The following ERBIN variants were observed in gnomAD, a reference collection of about 807,000 sequenced individuals.
The protein encoded by ERBIN is densin-180-like protein.
Under a neutral mutation model 158.4 loss-of-function variants are expected in ERBIN, and 60 were observed. The ratio of observed to expected loss-of-function variants is 0.38; its 90% confidence interval spans 0.31 to 0.47. The LOEUF (loss-of-function observed/expected upper bound fraction) is 0.47. Among genes scored for constraint, ERBIN ranks in the 20% least tolerant of loss-of-function variants. The pLI is 0.99. For synonymous variants in ERBIN, 594 were observed against 557.2 expected (o/e 1.07, Z -0.93); for missense variants, 1,610 against 1,648.0 (o/e 0.98, Z 0.40).
At position 66,072,261 on chromosome 5, in the gene ERBIN, C is replaced by G. The variant is rs1761600106; in HGVS notation, c.3726C>G (p.His1242Gln). The change falls in exon 22 of 26, where the codon CAC becomes CAG. Residue 1242 changes from histidine (H) to glutamine (Q), a missense_variant. Around this residue, in one of 2 missense-constraint regions of ERBIN, gnomAD observed 1,014 missense variants for 936.1 expected, o/e 1.08. Transcript: ENST00000284037. ...ACTACTCATCAGCCACACTTAGTCA[C>G]AAAGATGTTCCTCCAGACAGCTTGA... ...QQNYSSATLS[H>Q]KDVPPDSLMK... 2 of 1,550,374 alleles carry G rather than the reference C, an allele frequency of 1.3e-6. No homozygotes were observed. The highest frequency in any genetic ancestry group is 1.7e-6 in the Non-Finnish European group (2 of 1,146,898).
intron 4 of ERBIN, 39 bp downstream of exon 4, chr5:65,994,903 A>C: frequency 8.3e-7 from 1 of 1,197,756 alleles, no homozygotes; most frequent in Non-Finnish European, 1.2e-6. Context: ...GTACTTGGGA[A>C]CATGTTTCAT....
chr5:66,048,787 A>C lies in ERBIN; in HGVS notation c.1903+6A>C, dbSNP rs1234477990. The C allele has an allele frequency of 2.8e-5, 42 of 1,527,256 alleles. No homozygotes were observed. The highest frequency in any genetic ancestry group is 3.6e-5 in the Non-Finnish European group (41 of 1,125,892). 94.6% of individuals were successfully genotyped at this position (1,527,256 alleles called of 1,614,324 possible). A position where few individuals can be genotyped will look rare whatever the true frequency, so the allele number is the denominator to read the frequency against. Reference sequence around the variant, plus strand: ...ACTTAGTAATAACAAAAAAGGTTAGATGTTAAAGGAAAGTGCTAAGAATAG... The same window carrying C: ...ACTTAGTAATAACAAAAAAGGTTAGCTGTTAAAGGAAAGTGCTAAGAATAG... On this transcript the variant is annotated splice_donor_region_variant and intron_variant, in intron 19 of 25. Transcript: ENST00000284037.
At chr5:65,940,098 T>C (rs1278887437) in intron 1 of ERBIN, among the ~76,000 whole-genome samples, 4 of 143,904 alleles carry the variant, frequency 2.8e-5, no homozygotes, top group African/African-American at 8.0e-5. Context: ...ATCTAGGAAG[T>C]GAGGAGCGCC....
At chr5:66,008,311 T>A (rs569105832) in intron 4 of ERBIN, among the ~76,000 whole-genome samples, 1 of 152,000 alleles carries the variant, frequency 6.6e-6, no homozygotes, top group East Asian at 1.9e-4. Context: ...CCCAGCTACT[T>A]AGGAGGCTGA....
intron 1 of ERBIN, among the ~76,000 whole-genome samples, chr5:65,940,436 C>T (rs1178868807): frequency 0.011 from 1,404 of 132,214 alleles, 24 homozygotes; most frequent in East Asian, 0.015. Context: ...GCCCCCCGCC[C>T]GGCCAGCTGC....
intron 1 of ERBIN, among the ~76,000 whole-genome samples, chr5:65,987,256 G>T (rs1751332076): frequency 6.6e-6 from 1 of 151,968 alleles, no homozygotes; most frequent in African/African-American, 2.4e-5. Flanking sequence ...AGTCTTGAAA[G>T]GAAGGCCAGG....
chr5:66,034,774 T>C (rs943690571), intron 14 of ERBIN, among the ~76,000 whole-genome samples: 7 of 152,084 alleles, frequency 4.6e-5, no homozygotes, highest in African/African-American at 1.7e-4. Context: ...TGCTCAGCAA[T>C]GTAATATAGA....
intron 4 of ERBIN, among the ~76,000 whole-genome samples, chr5:65,995,243 A>C (rs1752295624): frequency 1.3e-5 from 2 of 152,120 alleles, no homozygotes; most frequent in Admixed American, 1.3e-4. Context: ...TGTCAAACTG[A>C]AATCTTATAC....
At chr5:66,052,580 A>G (rs1759158480) in intron 20 of ERBIN, among the ~76,000 whole-genome samples, 1 of 152,324 alleles carries the variant, frequency 6.6e-6, no homozygotes, top group Non-Finnish European at 1.5e-5. Flanking sequence ...AGCCTAAGCA[A>G]GGAATACAGC....
At position 66,054,600 on chromosome 5, in the gene ERBIN, A is replaced by G. The variant is rs1472651829; in HGVS notation, c.3282A>G (p.Thr1094=). The change falls in exon 21 of 26, where the codon ACA becomes ACG. Residue 1094 remains threonine, a synonymous_variant. Coordinates refer to ENST00000284037, the MANE Select transcript of ERBIN (RefSeq NM_001253697.2). ...TAAATCTTGGTGATCCAGGCTCTACAAGGCGGGCTCAGATTCCTGAAGGAG... is the reference window on the plus strand; with the variant it reads ...TAAATCTTGGTGATCCAGGCTCTACGAGGCGGGCTCAGATTCCTGAAGGAG... ...ASVNLGDPGS[T]RRAQIPEGDY... is the part of the protein sequence containing the mutation. 6.2e-7 allele frequency: 1 copy of G among 1,614,036 alleles called. No homozygotes were observed. The highest frequency in any genetic ancestry group is 8.5e-7 in the Non-Finnish European group (1 of 1,180,030).
At chr5:66,050,065 A>G (rs540806240) in intron 19 of ERBIN, among the ~76,000 whole-genome samples, 1 of 152,228 alleles carries the variant, frequency 6.6e-6, no homozygotes, top group Admixed American at 6.5e-5. Flanking sequence ...CCATATATGT[A>G]TGAAATAATT....
intron 1 of ERBIN, among the ~76,000 whole-genome samples, chr5:65,949,572 G>A (rs554947493): frequency 6.6e-6 from 1 of 152,226 alleles, no homozygotes; most frequent in South Asian, 2.1e-4. Context: ...TTAAATAACT[G>A]GATTAGTTGT....
intron 3 of ERBIN, among the ~76,000 whole-genome samples, 177 bp downstream of exon 3, chr5:65,993,084 T>C (rs1752048448): frequency 1.3e-5 from 2 of 152,220 alleles, no homozygotes; most frequent in Admixed American, 1.3e-4. Flanking sequence ...TTAAAACTTG[T>C]ATTTCTTCAA....
intron 1 of ERBIN, among the ~76,000 whole-genome samples, chr5:65,960,157 A>G (rs938825179): frequency 1.3e-5 from 2 of 152,276 alleles, no homozygotes; most frequent in Admixed American, 6.5e-5. Context: ...TCCGCAGTCA[A>G]AAAGAATGAA....
intron 1 of ERBIN, among the ~76,000 whole-genome samples, chr5:65,974,169 A>G (rs924741712): frequency 6.6e-6 from 1 of 151,818 alleles, no homozygotes; most frequent in Non-Finnish European, 1.5e-5. Flanking sequence ...TATTGCAGCA[A>G]AAACAAAAAT....
chr5:66,070,980 AATAT>A (rs1416737531), intron 21 of ERBIN, among the ~76,000 whole-genome samples: 6 of 152,116 alleles, frequency 3.9e-5, no homozygotes, highest in African/African-American at 7.2e-5. Context: ...TGTTTTCTAA[AATAT>A]ATATAGGGAT....
intron 22 of ERBIN, among the ~76,000 whole-genome samples, chr5:66,073,587 A>G (rs1761717452): frequency 6.6e-6 from 1 of 152,184 alleles, no homozygotes; most frequent in South Asian, 2.1e-4. Context: ...GCCTTTTTTA[A>G]AAATACAAAT....
At chr5:66,075,914 T>C (rs1561462251) in intron 23 of ERBIN, among the ~76,000 whole-genome samples, 1 of 152,158 alleles carries the variant, frequency 6.6e-6, no homozygotes, top group Admixed American at 6.5e-5. Context: ...TTAGATATCT[T>C]ATGTAACAAG....
chr5:66,070,375 G>A (rs1761418766), intron 21 of ERBIN, among the ~76,000 whole-genome samples: 3 of 152,136 alleles, frequency 2.0e-5, no homozygotes, highest in African/African-American at 7.2e-5. Flanking sequence ...TGAGAGAGAA[G>A]GGTGATAACT....
Sources: gnomAD v4.1 joint callset for allele counts (sites outside exome capture counted in the v4.1 genomes callset) on GRCh38, gnomAD v4.1.1 for gene constraint, gnomAD v4.1.1 regional missense constraint, MANE v1.5 for transcripts, NCBI Gene and HGNC (gene_info 2026-07-23, HGNC 2026-07-21) for gene names.